MADD: variants seen among roughly 807,000 people sequenced by gnomAD.
MADD encodes MAP kinase activating death domain.
In MADD, 109 loss-of-function variants were observed where a neutral mutation model predicts 176.7. The observed-to-expected ratio is 0.62, with a 90% CI of 0.53 to 0.72. The LOEUF is 0.72. Ranked by LOEUF, MADD falls within the 30% of genes least tolerant of loss-of-function variation. The pLI, the probability that MADD is intolerant of heterozygous loss-of-function variation, is 0.00. For synonymous variants in MADD, 771 were observed against 771.3 expected, an observed-to-expected ratio of 1.00 and a Z score of 0.01; for missense variants, 1,914 against 2,045.5, an observed-to-expected ratio of 0.94 and a Z score of 1.24.
At chr11:47,289,263 T>G in intron 15 of MADD, 128 bp from the exon 17 acceptor site, 1 of 842,132 alleles carries the variant, frequency 1.2e-6, no homozygotes, top group East Asian at 2.4e-5. Context: ...CTACGTATGA[T>G]GCCTTGGTGC....
chr11:47,313,140 A>C (rs891075129), intron 26 of MADD, among the ~76,000 whole-genome samples: 87 of 152,232 alleles, frequency 5.7e-4, no homozygotes, highest in African/African-American at 1.9e-3. Context: ...TTAAGTGAAA[A>C]TAAGAATTTT....
At chr11:47,318,948 C>T (rs1255902728) in intron 27 of MADD, among the ~76,000 whole-genome samples, 1 of 150,864 alleles carries the variant, frequency 6.6e-6, no homozygotes, top group East Asian at 1.9e-4. Flanking sequence ...GCTGGGACTA[C>T]AGGCACATGC....
At chr11:47,276,074 G>C in exon 4 of MADD, 1 of 1,614,220 alleles carries the variant, frequency 6.2e-7, no homozygotes, top group Non-Finnish European at 8.5e-7. Context: ...GCTCCAGCCA[G>C]CTCTGACCTT....
intron 27 of MADD, among the ~76,000 whole-genome samples, chr11:47,316,385 CTTTTTTTTTT>C (rs1008702414): frequency 7.7e-6 from 1 of 130,226 alleles, no homozygotes; most frequent in Non-Finnish European, 1.7e-5. Context: ...TTTTCTTTTT[CTTTTTTTTTT>C]TTTTTTTTTT....
chr11:47,312,233 AG>A, intron 26 of MADD, among the ~76,000 whole-genome samples: 1 of 152,106 alleles, frequency 6.6e-6, no homozygotes, highest in East Asian at 1.9e-4. Context: ...ATATACTCTC[AG>A]TTTTTCGTTT....
exon 21 of MADD, chr11:47,295,529 C>G (rs2070634552): frequency 6.2e-7 from 1 of 1,613,866 alleles, no homozygotes; most frequent in Non-Finnish European, 8.5e-7. Context: ...CGGCGTGAGT[C>G]CAGCTGTTAT....
In MADD at chr11:47,276,712, T is replaced by TA. The variant is rs2050281899; in HGVS notation, c.964-19dup. On this transcript the variant is annotated intron_variant, in intron 4 of 32. Transcript: ENST00000402192. ...ATATTTTATGTTTTGGAGTGATTCT[T>TA]ACTGGATGGCTCATGACAGGTGGTG... The TA allele has an allele frequency of 1.9e-6, 3 of 1,613,068 alleles. No individual in the cohort carries two copies. The highest frequency in any genetic ancestry group is 2.7e-5 in the African/African-American group (2 of 74,904).
intron 16 of MADD, 57 bp from the exon 18 acceptor site, chr11:47,289,809 GT>G (rs1205370751): frequency 6.3e-7 from 1 of 1,584,132 alleles, no homozygotes; most frequent in Non-Finnish European, 8.6e-7. Context: ...TGGGTGAAAG[GT>G]GGGGGGTGCT....
At chr11:47,276,272 C>G (rs2049755874) in intron 4 of MADD, 70 bp downstream of exon 4, 2 of 1,439,056 alleles carry the variant, frequency 1.4e-6, no homozygotes, top group Non-Finnish European at 1.9e-6. Flanking sequence ...AGACCACGAG[C>G]TCTTAGAGGA....
chr11:47,313,356 G>C (rs754334200), intron 26 of MADD, among the ~76,000 whole-genome samples: 1 of 151,826 alleles, frequency 6.6e-6, no homozygotes, highest in Admixed American at 6.6e-5. Context: ...GCCCAGGCTG[G>C]AGTGCAGTGG....
chr11:47,287,782 A>ATTTTTTTTTTTT (rs57417064), intron 15 of MADD, among the ~76,000 whole-genome samples: 11 of 55,032 alleles, frequency 2.0e-4, no homozygotes, highest in African/African-American at 9.0e-4. Context: ...AGAAACATGT[A>ATTTTTTTTTTTT]TTTTTTTTTT....
In MADD at chr11:47,285,090, C is replaced by CA. The variant is rs767019430; in HGVS notation, c.2309dup (p.Asn770LysfsTer13). The CA allele has an allele frequency of 1.3e-4, 214 of 1,614,024 alleles. No homozygotes were observed. The highest frequency in any genetic ancestry group is 1.7e-4 in the Non-Finnish European group (197 of 1,180,034). ...GGTCAGTGCGCCGGCGAATCTATGA[C>CA]AATCCATACTTCGAGCCCCAATATG... On this transcript the variant is annotated frameshift_variant, in exon 13 of 33. Coordinates refer to ENST00000402192, the Ensembl canonical transcript of MADD. LOFTEE classifies it high-confidence loss of function.
chr11:47,275,152 G>T, exon 3 of MADD: 2 of 1,611,146 alleles, frequency 1.2e-6, no homozygotes, highest in Non-Finnish European at 1.7e-6. Flanking sequence ...CCCTCGAGGC[G>T]TACAAAGGTA....
chr11:47,273,956 TCTAGTGATCGTA>T (rs1565248222), exon 2 of MADD: 1 of 1,614,020 alleles, frequency 6.2e-7, no homozygotes. Flanking sequence ...TACTTGACTA[TCTAGTGATCGTA>T]GGGGCCAGGT....
At chr11:47,294,089 C>G (rs1435196381) in intron 20 of MADD, 106 bp downstream of exon 22, 2 of 925,626 alleles carry the variant, frequency 2.2e-6, no homozygotes, top group African/African-American at 3.3e-5. Context: ...GTGGCTCATG[C>G]TTGTAATCCC....
chr11:47,323,814 C>G (rs2094952291), exon 28 of MADD: 1 of 1,614,178 alleles, frequency 6.2e-7, no homozygotes, highest in Non-Finnish European at 8.5e-7. Context: ...AGACCCAGCT[C>G]AACAAGTTCT....
At position 47,274,568 on chromosome 11, in the gene MADD, C is replaced by G. The variant is rs560018685; in HGVS notation, c.68C>G (p.Pro23Arg). The G allele has an allele frequency of 2.4e-5, 39 of 1,606,136 alleles. No individual in the cohort carries two copies. The highest frequency in any genetic ancestry group is 5.0e-5 in the Admixed American group (3 of 59,802). The change falls in exon 3 of 33, where the codon CCG (proline) becomes CGG (arginine). Residue 23 changes from proline (P) to arginine (R), a missense_variant. Transcript: ENST00000402192. Reference sequence around the variant, plus strand: ...TTTGTCTTTATGTTCTTCAGGCACCCGAGCAGTGATAGCGTGGCCCAGACT... The same window carrying G: ...TTTGTCTTTATGTTCTTCAGGCACCGGAGCAGTGATAGCGTGGCCCAGACT...
chr11:47,321,713 A>G (rs867015677), intron 27 of MADD, among the ~76,000 whole-genome samples: 1 of 152,190 alleles, frequency 6.6e-6, no homozygotes, highest in Non-Finnish European at 1.5e-5. Flanking sequence ...GTGGAAGAGC[A>G]GTCAGGGATA....
At chr11:47,305,237 G>A (rs1316318550) in intron 22 of MADD, among the ~76,000 whole-genome samples, 3 of 152,152 alleles carry the variant, frequency 2.0e-5, no homozygotes, top group Admixed American at 1.3e-4. Context: ...TCCAGGTACA[G>A]ATGCGTGGAG....
Sources: allele counts gnomAD v4.1 joint callset (sites outside exome capture counted in the v4.1 genomes callset), GRCh38; gene constraint gnomAD v4.1.1; transcripts MANE v1.5; gene names NCBI Gene and HGNC (gene_info 2026-07-23, HGNC 2026-07-21).